SCARA5: variants seen among roughly 807,000 people sequenced by gnomAD.
The protein encoded by SCARA5 is scavenger receptor class A member 5.
SCARA5 carries 45 observed loss-of-function variants against 46.3 expected under a neutral mutation model. The ratio of observed to expected loss-of-function variants is 0.97; its 90% CI spans 0.76 to 1.24. SCARA5 has a LOEUF of 1.24. Ranked by LOEUF, SCARA5 falls within the 50% of genes most tolerant of loss-of-function variation. The probability of loss-of-function intolerance (pLI) is 0.00; values close to 1 mark genes in which losing one functional copy is unlikely to be tolerated. For missense variants in SCARA5, 680 were observed against 689.0 expected, an observed-to-expected ratio of 0.99 and a Z score of 0.15; for synonymous variants, 333 against 306.5, an observed-to-expected ratio of 1.09 and a Z score of -0.90.
At chr8:27,884,493 C>T (rs948536850) in intron 7 of SCARA5, among the ~76,000 whole-genome samples, 2 of 152,248 alleles carry the variant, frequency 1.3e-5, no homozygotes, top group African/African-American at 4.8e-5. Context: ...TCTGGCTGCA[C>T]CAGGAGGCCT....
intron 7 of SCARA5, among the ~76,000 whole-genome samples, chr8:27,880,712 A>T (rs1387475027): frequency 2.6e-5 from 4 of 152,026 alleles, no homozygotes; most frequent in South Asian, 2.1e-4. Flanking sequence ...TAAATGAGCC[A>T]GGCATAGTAG....
intron 3 of SCARA5, among the ~76,000 whole-genome samples, chr8:27,923,018 A>G (rs1297481267): frequency 6.6e-6 from 1 of 152,228 alleles, no homozygotes; most frequent in Non-Finnish European, 1.5e-5. Context: ...TTGCTTATAA[A>G]TTACCCAGTC....
At chr8:27,981,517 C>T (rs1471808207) in intron 2 of SCARA5, among the ~76,000 whole-genome samples, 1 of 152,234 alleles carries the variant, frequency 6.6e-6, no homozygotes, top group Non-Finnish European at 1.5e-5. Context: ...CCCTCACCCA[C>T]CTCCTGCCGG....
intron 3 of SCARA5, among the ~76,000 whole-genome samples, chr8:27,931,658 G>A (rs919651295): frequency 1.3e-5 from 2 of 152,082 alleles, no homozygotes; most frequent in African/African-American, 4.8e-5. Flanking sequence ...AAAGAACCTT[G>A]CATTTTTATT....
chr8:27,957,918 T>C (rs997597929), intron 3 of SCARA5, among the ~76,000 whole-genome samples: 1 of 152,206 alleles, frequency 6.6e-6, no homozygotes, highest in African/African-American at 2.4e-5. Context: ...AGTAAATATT[T>C]TAGGCTCTGC....
chr8:27,927,490 TG>T (rs1309991439), intron 3 of SCARA5, among the ~76,000 whole-genome samples: 1 of 152,372 alleles, frequency 6.6e-6, no homozygotes, highest in Admixed American at 6.5e-5. Context: ...ATTTGATTTC[TG>T]GGTTTTTTCC....
rs1447810263 is a variant in SCARA5 at position 27,906,982 on chromosome 8, T to G, written c.1096+166A>C. Reference sequence around the variant, plus strand: ...ACCACACCTGGCTGAGGGTTTCTAGTTTTTGGAGGAAAAACTAAATGCTTT... The same window carrying G: ...ACCACACCTGGCTGAGGGTTTCTAGGTTTTGGAGGAAAAACTAAATGCTTT... On this transcript the variant is annotated intron_variant, in intron 6 of 8. Transcript: ENST00000354914. Among the ~76,000 whole-genome samples, 3 of 152,160 alleles carry G rather than the reference T, an allele frequency of 2.0e-5. 1 individual carries two copies. Among genetic ancestry groups the G allele is most frequent in the Admixed American group, 2.0e-4 (3 of 15,282 alleles).
intron 2 of SCARA5, among the ~76,000 whole-genome samples, chr8:27,969,641 T>C (rs1156528441): frequency 6.6e-6 from 1 of 152,172 alleles, no homozygotes; most frequent in African/African-American, 2.4e-5. Flanking sequence ...AACCCTAATG[T>C]AAATGATGGG....
chr8:27,991,040 C>A (rs1455670341), intron 1 of SCARA5, among the ~76,000 whole-genome samples: 1 of 152,220 alleles, frequency 6.6e-6, no homozygotes, highest in Admixed American at 6.5e-5. Flanking sequence ...CAGCCCTGTG[C>A]CCTGGGGCCA....
rs1260461187 is a variant in SCARA5 at position 27,934,704 on chromosome 8, A to AATC, written c.242-12462_242-12460dup. Among the ~76,000 whole-genome samples the AATC allele has an allele frequency of 6.6e-5, 10 of 152,182 alleles. 1 individual carries two copies. Among genetic ancestry groups the AATC allele is most frequent in the Admixed American group, 2.0e-4 (3 of 15,288 alleles). On this transcript the variant is annotated intron_variant, in intron 3 of 8. Transcript: ENST00000354914. ...TCCTTGCATTAACCACTCTTCAGTT[A>AATC]ATCTTCCAGAGTGGAGCAGTGGCAT...
At position 27,981,480 on chromosome 8, in the gene SCARA5, G is replaced by A. The variant is rs142895370; in HGVS notation, c.112+6024C>T. On this transcript the variant is annotated intron_variant, in intron 2 of 8. Coordinates refer to ENST00000354914, the MANE Select transcript of SCARA5 (RefSeq NM_173833.6). ...TGACTCCACAGGGCAGAAGCCGGAG[G>A]AGTAAGTGCTCCAGCTTCCCTGTCT... is the stretch of plus-strand genomic sequence containing the variant. Among the ~76,000 whole-genome samples the A allele has an allele frequency of 9.7e-3, 1,475 of 152,320 alleles. 10 individuals are homozygous for A. Among genetic ancestry groups the A allele is most frequent in the Non-Finnish European group, 0.016 (1,075 of 68,020 alleles).
At chr8:27,950,896 C>T (rs1300545921) in intron 3 of SCARA5, among the ~76,000 whole-genome samples, 1 of 118,976 alleles carries the variant, frequency 8.4e-6, no homozygotes. Flanking sequence ...AAAAAAAGGT[C>T]AGTGTGGACT....
chr8:27,896,560 T>A (rs1350204403), intron 7 of SCARA5, among the ~76,000 whole-genome samples: 1 of 152,102 alleles, frequency 6.6e-6, no homozygotes, highest in Non-Finnish European at 1.5e-5. Context: ...TTCTGAAACA[T>A]GCAGGAGCTC....
At chr8:27,876,201 A>G (rs1284191428) in intron 8 of SCARA5, among the ~76,000 whole-genome samples, 2 of 152,134 alleles carry the variant, frequency 1.3e-5, no homozygotes, top group Non-Finnish European at 2.9e-5. Flanking sequence ...CTCCTTTAGC[A>G]TTTATAGTAA....
Position 27,922,189 on chromosome 8 carries a change from G to A in SCARA5, c.298C>T (p.Arg100Trp), listed in dbSNP as rs757478357. The change falls in exon 4 of 9, where the codon CGG (arginine) becomes TGG (tryptophan). Residue 100 changes from arginine (R) to tryptophan (W), a missense_variant. Physicochemically the swap from Arg to Trp is moderately radical, Grantham distance 101. Around this residue, in one of 3 missense-constraint regions of SCARA5, gnomAD observed 438 missense variants for 384.5 expected, o/e 1.14. Coordinates refer to ENST00000354914, the MANE Select transcript of SCARA5 (RefSeq NM_173833.6). ...DLKALTRNVN[R>W]LNESFRDLQL... Reference sequence around the variant, plus strand: ...AAGTCCCGGAAGCTCTCATTCAGCCGGTTCACATTGCGAGTCAGGGCCTTC... The same window carrying A: ...AAGTCCCGGAAGCTCTCATTCAGCCAGTTCACATTGCGAGTCAGGGCCTTC... The A allele has an allele frequency of 9.4e-6, 15 of 1,601,272 alleles. No individual in the cohort carries two copies. The highest frequency in any genetic ancestry group is 2.3e-5 in the South Asian group (2 of 88,868).
intron 8 of SCARA5, among the ~76,000 whole-genome samples, chr8:27,876,845 G>A (rs1806732415): frequency 6.6e-6 from 1 of 152,152 alleles, no homozygotes; most frequent in Non-Finnish European, 1.5e-5. Context: ...AGGAGGCAGA[G>A]CGAGAGGGAC....
At chr8:27,901,135 T>C (rs1031864565) in intron 7 of SCARA5, among the ~76,000 whole-genome samples, 2 of 152,178 alleles carry the variant, frequency 1.3e-5, no homozygotes, top group African/African-American at 4.8e-5. Flanking sequence ...TGGACTCAGA[T>C]GGGTCCTGAG....
intron 3 of SCARA5, among the ~76,000 whole-genome samples, chr8:27,951,502 G>C (rs563388852): frequency 9.2e-5 from 14 of 152,222 alleles, no homozygotes; most frequent in Non-Finnish European, 1.8e-4. Context: ...TCAGGCCCCC[G>C]AGGCTCACAG....
chr8:27,991,637 T>C (rs919158662), intron 1 of SCARA5, among the ~76,000 whole-genome samples: 1 of 152,140 alleles, frequency 6.6e-6, no homozygotes, highest in Non-Finnish European at 1.5e-5. Context: ...ATTACCTCAC[T>C]TTAAACTCAT....
Sources: allele counts gnomAD v4.1 joint callset (sites outside exome capture counted in the v4.1 genomes callset), GRCh38; gene constraint gnomAD v4.1.1; regional missense constraint gnomAD v4.1.1; transcripts MANE v1.5; gene names NCBI Gene and HGNC (gene_info 2026-07-23, HGNC 2026-07-21).